The following RPS6KC1 variants were observed in gnomAD, a reference collection of about 807,000 sequenced individuals.
The protein encoded by RPS6KC1 is inactive ribosomal protein S6 kinase delta-1.
A neutral mutation model predicts 103.8 loss-of-function variants in RPS6KC1; 54 were observed. That is an observed-to-expected ratio of 0.52 (90% CI 0.42 to 0.65). The LOEUF is 0.65. RPS6KC1 is among the 30% of genes least tolerant of loss of function. The pLI, the probability that RPS6KC1 is intolerant of heterozygous loss-of-function variation, is 0.00. For synonymous variants in RPS6KC1, 439 were observed against 438.7 expected (o/e 1.00, Z -0.01); for missense variants, 1,151 against 1,253.8 (o/e 0.92, Z 1.24).
the RPS6KC1 span, among the ~76,000 whole-genome samples, chr1:213,772,983 C>T: frequency 6.6e-6 from 1 of 152,092 alleles, no homozygotes; most frequent in East Asian, 1.9e-4. Flanking sequence ...CTGTTTTCGC[C>T]GATGGGTAAC....
chr1:213,454,039 T>C, the RPS6KC1 span, among the ~76,000 whole-genome samples: 1 of 152,320 alleles, frequency 6.6e-6, no homozygotes, highest in East Asian at 1.9e-4. Flanking sequence ...ATAGTCTATG[T>C]GTTAATCCAC....
the RPS6KC1 span, among the ~76,000 whole-genome samples, chr1:213,763,579 C>A: frequency 4.6e-5 from 7 of 152,266 alleles, no homozygotes; most frequent in African/African-American, 1.7e-4. Context: ...GGATGCTGAG[C>A]AGCTTTTCTG....
rs149863360 is a variant in RPS6KC1 at position 213,130,014 on chromosome 1, C to T, written c.835+125C>T. 1,016 of 916,018 alleles carry T rather than the reference C, an allele frequency of 1.1e-3. 6 individuals are homozygous for T. In the African/African-American group the frequency reaches 0.016, roughly 14 times the overall value. The allele number at this position is 916,018 out of a possible 1,614,324, so 56.7% of individuals were successfully genotyped here. A position where few individuals can be genotyped will look rare whatever the true frequency, so the allele number is the denominator to read the frequency against. On this transcript the variant is annotated intron_variant, in intron 6 of 14. Coordinates refer to ENST00000366960, the MANE Select transcript of RPS6KC1 (RefSeq NM_012424.6). Reference sequence around the variant, plus strand: ...TACTGAAAATGAGAAATTACTGAAGCTTAAAAGACCTATATATGGATATAT... The same window carrying T: ...TACTGAAAATGAGAAATTACTGAAGTTTAAAAGACCTATATATGGATATAT...
In RPS6KC1 at chr1:213,241,536, G is replaced by C. The variant is rs1249123785; in HGVS notation, c.2060G>C (p.Gly687Ala). 6.2e-7 allele frequency: 1 copy of C among 1,613,858 alleles called. No individual in the cohort carries two copies. Among genetic ancestry groups the C allele is most frequent in the Admixed American group, 1.7e-5 (1 of 59,936 alleles). Residue 687 changes from glycine to alanine, a missense_variant, in exon 11 of 15, where the codon GGA becomes GCA. By Grantham distance (60) the Gly-to-Ala change is moderately conservative. Coordinates refer to ENST00000366960, the MANE Select transcript of RPS6KC1 (RefSeq NM_012424.6). ...AFDDVSGTDE[G>A]RPDLLVNLPG... ...GATGATGTCAGTGGTACTGATGAAG[G>C]AAGACCTGATCTTCTTGTAAATTTA... is the stretch of plus-strand genomic sequence containing the variant.
chr1:213,148,030 T>A (rs1352863117), intron 6 of RPS6KC1, among the ~76,000 whole-genome samples: 2 of 152,250 alleles, frequency 1.3e-5, no homozygotes, highest in Non-Finnish European at 2.9e-5. Flanking sequence ...TGCTACTGAT[T>A]TTTGTACATT....
the RPS6KC1 span, among the ~76,000 whole-genome samples, chr1:213,595,520 G>A: frequency 1.3e-5 from 2 of 152,228 alleles, no homozygotes; most frequent in African/African-American, 4.8e-5. Context: ...GCAGGAGAAA[G>A]AAGCAGACAG....
the RPS6KC1 span, among the ~76,000 whole-genome samples, chr1:213,713,620 T>C: frequency 6.6e-6 from 1 of 152,216 alleles, no homozygotes. Context: ...TATGTAAATG[T>C]ATGCAAGCCA....
At chr1:213,819,433 G>C in the RPS6KC1 span, 1 of 152,218 alleles carries the variant, frequency 6.6e-6, no homozygotes, top group African/African-American at 2.4e-5. Flanking sequence ...CTCCCAGGAA[G>C]TCTGACTCCC....
At chr1:213,429,613 G>A in the RPS6KC1 span, among the ~76,000 whole-genome samples, 5 of 152,226 alleles carry the variant, frequency 3.3e-5, no homozygotes, top group South Asian at 4.1e-4. Flanking sequence ...TAGAAAAACC[G>A]GATACTTGGA....
intron 1 of RPS6KC1, among the ~76,000 whole-genome samples, chr1:213,058,896 G>A (rs1161237396): frequency 6.6e-6 from 1 of 152,142 alleles, no homozygotes; most frequent in Non-Finnish European, 1.5e-5. Flanking sequence ...AACACAGTAT[G>A]TCTTGCAGTT....
At chr1:213,648,414 A>T in the RPS6KC1 span, among the ~76,000 whole-genome samples, 1 of 151,876 alleles carries the variant, frequency 6.6e-6, no homozygotes, top group East Asian at 1.9e-4. Context: ...ATGTCTGCTG[A>T]CTCCTGGCCT....
At chr1:213,561,333 ATT>A in the RPS6KC1 span, among the ~76,000 whole-genome samples, 1 of 151,326 alleles carries the variant, frequency 6.6e-6, no homozygotes, top group African/African-American at 2.4e-5. Flanking sequence ...GTAATAGCTA[ATT>A]TTTTTTTGAC....
chr1:213,328,504 CTATATA>C, the RPS6KC1 span, among the ~76,000 whole-genome samples: 216 of 101,462 alleles, frequency 2.1e-3, 1 homozygote, highest in African/African-American at 4.6e-3. Context: ...AGCCATTATA[CTATATA>C]TATATATATA....
At chr1:213,551,611 A>G in the RPS6KC1 span, among the ~76,000 whole-genome samples, 3 of 152,208 alleles carry the variant, frequency 2.0e-5, no homozygotes, top group Non-Finnish European at 4.4e-5. Context: ...GAGTTCCCGT[A>G]TATATTGCCC....
At chr1:213,662,739 A>G in the RPS6KC1 span, among the ~76,000 whole-genome samples, 1 of 151,990 alleles carries the variant, frequency 6.6e-6, no homozygotes, top group South Asian at 2.1e-4. Flanking sequence ...CTCAACTCCA[A>G]CCAAACTGGT....
At chr1:213,407,659 C>G in the RPS6KC1 span, among the ~76,000 whole-genome samples, 1 of 152,334 alleles carries the variant, frequency 6.6e-6, no homozygotes, top group African/African-American at 2.4e-5. Context: ...CATTGCTCCT[C>G]TCATATACAT....
the RPS6KC1 span, among the ~76,000 whole-genome samples, chr1:213,838,069 A>T: frequency 6.6e-6 from 1 of 152,188 alleles, no homozygotes; most frequent in Non-Finnish European, 1.5e-5. Context: ...TCTCGCTCCC[A>T]TTAAAAGAGA....
At chr1:213,472,309 T>C in the RPS6KC1 span, among the ~76,000 whole-genome samples, 1 of 152,252 alleles carries the variant, frequency 6.6e-6, no homozygotes, top group East Asian at 1.9e-4. Context: ...ATGGTGAACA[T>C]AATTGTTAGA....
chr1:213,088,767 C>G, intron 3 of RPS6KC1, among the ~76,000 whole-genome samples: 1 of 152,170 alleles, frequency 6.6e-6, no homozygotes, highest in East Asian at 1.9e-4. Context: ...AGGAAGAGTT[C>G]TGAATGATCT....
Sources: gnomAD v4.1 joint callset for allele counts (sites outside exome capture counted in the v4.1 genomes callset) on GRCh38, gnomAD v4.1.1 for gene constraint, MANE v1.5 for transcripts, NCBI Gene and HGNC (gene_info 2026-07-23, HGNC 2026-07-21) for gene names.